Variants in ANKMY1 observed in about 807,000 individuals in gnomAD.
ANKMY1 encodes the protein ankyrin repeat and MYND domain containing 1.
Under a neutral mutation model 102.0 loss-of-function variants are expected in ANKMY1, and 98 were observed. That is an observed-to-expected ratio of 0.96 (90% CI 0.82 to 1.14). ANKMY1 has a LOEUF of 1.14. Among genes scored for constraint, ANKMY1 ranks in the 50% most tolerant of loss-of-function variants. The pLI, the probability that ANKMY1 is intolerant of heterozygous loss-of-function variation, is 0.00. For missense variants in ANKMY1, 1,330 were observed against 1,347.6 expected, an observed-to-expected ratio of 0.99 and a Z score of 0.20; for synonymous variants, 582 against 559.9, an observed-to-expected ratio of 1.04 and a Z score of -0.56.
chr2:240,512,454 TG>T (rs2080400515), intron 10 of ANKMY1, among the ~76,000 whole-genome samples: 1 of 152,200 alleles, frequency 6.6e-6, no homozygotes, highest in African/African-American at 2.4e-5. Context: ...GAGGAGGCCC[TG>T]GGGACATGGA....
intron 5 of ANKMY1, among the ~76,000 whole-genome samples, chr2:240,528,073 G>C (rs183565804): frequency 6.6e-6 from 1 of 152,150 alleles, no homozygotes; most frequent in Non-Finnish European, 1.5e-5. Flanking sequence ...TGGATCATGA[G>C]GTCAGGAGTT....
chr2:240,483,641 C>T (rs1329700366), intron 15 of ANKMY1, among the ~76,000 whole-genome samples: 1 of 152,036 alleles, frequency 6.6e-6, no homozygotes, highest in African/African-American at 2.4e-5. Flanking sequence ...CAGAATTTTC[C>T]TCTTCCTTTA....
At chr2:240,495,698 G>T (rs778448062) in intron 15 of ANKMY1, among the ~76,000 whole-genome samples, 10 of 152,042 alleles carry the variant, frequency 6.6e-5, no homozygotes, top group Non-Finnish European at 1.3e-4. Context: ...CTACGTCTTG[G>T]TGGTAGTTGT....
chr2:240,493,286 C>T (rs1159000012), intron 15 of ANKMY1, among the ~76,000 whole-genome samples: 2 of 152,072 alleles, frequency 1.3e-5, no homozygotes, highest in African/African-American at 4.8e-5. Flanking sequence ...GAGATTGTGC[C>T]ACTGTACTCC....
chr2:240,524,327 T>C lies in ANKMY1; in HGVS notation c.1390A>G (p.Asn464Asp), dbSNP rs201017329. 6.2e-6 allele frequency: 10 copies of C among 1,612,670 alleles called. No homozygotes were observed. The highest frequency in any genetic ancestry group is 8.5e-6 in the Non-Finnish European group (10 of 1,179,374). The stretch of plus-strand genomic sequence containing the variant: ...ACCTCATAGTACAGAGACTCCAGGT[T>C]TGTGTCCATAAATGATGATGAAAGG... ...PILSSSFMDT[N>D]LESLYYEVNV... The change falls in exon 8 of 18, where the codon AAC (asparagine) becomes GAC (aspartate). Residue 464 changes from asparagine to aspartate, a missense_variant. Transcript: ENST00000401804.
chr2:240,500,571 G>A lies in ANKMY1; in HGVS notation c.2527-6C>T. On this transcript the variant is annotated splice_polypyrimidine_tract_variant and splice_region_variant and intron_variant, in intron 13 of 17. Coordinates refer to ENST00000401804, the MANE Select transcript of ANKMY1 (RefSeq NM_001282771.3). ...TGACTGATGAGTCGGTCAATCTGTG[G>A]AGAACAGAACCAGGTCAAACACGCA... The A allele has an allele frequency of 6.2e-7, 1 of 1,613,248 alleles. No individual in the cohort carries two copies.
At position 240,509,485 on chromosome 2, in the gene ANKMY1, G is replaced by C. The variant is rs764308915; in HGVS notation, c.2287-30C>G. On this transcript the variant is annotated intron_variant, in intron 11 of 17. Coordinates refer to ENST00000401804, the MANE Select transcript of ANKMY1 (RefSeq NM_001282771.3). ...GTGGGGAGAAATGACAGGTTAGAGA[G>C]GCACCCCCACCCATAAGCAGCACCT... 4 of 1,514,580 alleles carry C rather than the reference G, an allele frequency of 2.6e-6. No individual in the cohort carries two copies. In the Admixed American group the frequency reaches 7.1e-5, roughly 27 times the overall value. The allele number at this position is 1,514,580 out of a possible 1,614,324, so 93.8% of individuals were successfully genotyped here.
At chr2:240,532,435 T>C (rs917503314) in intron 4 of ANKMY1, among the ~76,000 whole-genome samples, 7 of 152,118 alleles carry the variant, frequency 4.6e-5, no homozygotes, top group African/African-American at 1.4e-4. Flanking sequence ...AGAAAGAAAG[T>C]GACACTTTGG....
At chr2:240,471,260 CTTTTT>C in the ANKMY1 span, among the ~76,000 whole-genome samples, 1 of 136,140 alleles carries the variant, frequency 7.3e-6, no homozygotes. Flanking sequence ...AACTCAAATT[CTTTTT>C]TTTTTTTTTT....
chr2:240,536,457 C>T (rs1323617691), intron 4 of ANKMY1, among the ~76,000 whole-genome samples: 4 of 152,096 alleles, frequency 2.6e-5, no homozygotes, highest in South Asian at 4.2e-4. Flanking sequence ...GGCACAGCAG[C>T]GCCACTCATT....
upstream of ANKMY1, chr2:240,560,830 T>G: frequency 7.1e-7 from 1 of 1,417,156 alleles, no homozygotes; most frequent in Non-Finnish European, 9.1e-7. Context: ...ACGCTGTGCG[T>G]CAACGTCTCC....
chr2:240,493,723 AGGT>A (rs1157449707), intron 15 of ANKMY1, among the ~76,000 whole-genome samples: 1 of 152,008 alleles, frequency 6.6e-6, no homozygotes, highest in Non-Finnish European at 1.5e-5. Flanking sequence ...CAGGCCCCAG[AGGT>A]GGCAAGGATG....
rs906267453 is a variant in ANKMY1, at chr2:240,481,089, A to G, written c.2894T>C (p.Phe965Ser). The G allele has an allele frequency of 1.2e-6, 2 of 1,609,290 alleles. No homozygotes were observed. The highest frequency in any genetic ancestry group is 1.7e-6 in the Non-Finnish European group (2 of 1,176,226). ...GCCACACTGGTAGCAGAACTTGAAGAAGGGAATTCTGCAACAGAGCCTCAC... is the reference window on the plus strand; with the variant it reads ...GCCACACTGGTAGCAGAACTTGAAGGAGGGAATTCTGCAACAGAGCCTCAC... ...LDVKEQGQIP[F>S]FKFCYQCGRS... The change falls in exon 17 of 18, where the codon TTC (phenylalanine) becomes TCC (serine). Residue 965 changes from phenylalanine to serine, a missense_variant. By Grantham distance (155) the Phe-to-Ser change is radical. Transcript: ENST00000401804.
chr2:240,527,138 GGATGAATAGATGGATAAGTGGGTGGGTA>G (rs576945471), intron 5 of ANKMY1: 12,640 of 351,748 alleles, frequency 0.036, 481 homozygotes, highest in Middle Eastern at 0.11. Flanking sequence ...ATGGGTGGGT[GGATGAATAGATGGATAAGTGGGTGGGTA>G]GATGAATAGA....
chr2:240,560,925 C>T (rs1359480148), upstream of ANKMY1: 1 of 1,538,438 alleles, frequency 6.5e-7, no homozygotes, highest in Non-Finnish European at 8.7e-7. Flanking sequence ...CCTGCTGGCG[C>T]ACCTGGAGCC....
Position 240,529,751 on chromosome 2 carries a change from G to A in ANKMY1, c.481-242C>T, listed in dbSNP as rs1280777008. ...GCATGGAGGGGCAAGGGGGCAGCCA[G>A]GGAGGTCTCAGTGGCCTCTGAGGTG... is the stretch of plus-strand genomic sequence containing the variant. On this transcript the variant is annotated intron_variant, in intron 4 of 17. Transcript: ENST00000401804. The surrounding 1 kb of genome is among the most constrained non-coding windows in gnomAD (Gnocchi z 4.2). Among the ~76,000 whole-genome samples the A allele has an allele frequency of 6.6e-6, 1 of 152,192 alleles. No homozygotes were observed. The highest frequency in any genetic ancestry group is 1.5e-5 in the Non-Finnish European group (1 of 68,038).
chr2:240,528,792 C>G (rs916684352), intron 5 of ANKMY1, among the ~76,000 whole-genome samples: 1 of 152,132 alleles, frequency 6.6e-6, no homozygotes, highest in Non-Finnish European at 1.5e-5. Context: ...AGGTGGGATC[C>G]TGAGACCCTC....
intron 4 of ANKMY1, among the ~76,000 whole-genome samples, chr2:240,532,379 T>C (rs926090639): frequency 6.6e-6 from 1 of 152,188 alleles, no homozygotes; most frequent in East Asian, 1.9e-4. Flanking sequence ...ACTGACAGAA[T>C]ACCATCTTCA....
intron 15 of ANKMY1, among the ~76,000 whole-genome samples, chr2:240,490,295 A>G (rs77550598): frequency 0.12 from 18,470 of 151,486 alleles, 1,193 homozygotes; most frequent in African/African-American, 0.17. Flanking sequence ...ATCTTTATCT[A>G]TTTTCTTCTA....
Sources: gnomAD v4.1 joint callset for allele counts (sites outside exome capture counted in the v4.1 genomes callset) on GRCh38, gnomAD v4.1.1 for gene constraint, Gnocchi (gnomAD v3.1) non-coding constraint, MANE v1.5 for transcripts, NCBI Gene and HGNC (gene_info 2026-07-23, HGNC 2026-07-21) for gene names.